The following RBPMS variants were observed in gnomAD, a reference collection of about 807,000 sequenced individuals.
The protein encoded by RBPMS is RNA-binding protein with multiple splicing.
Under a neutral mutation model 26.8 loss-of-function variants are expected in RBPMS, and 7 were observed. The observed-to-expected ratio is 0.26, with a 90% CI of 0.15 to 0.49. The LOEUF (loss-of-function observed/expected upper bound fraction) is 0.49. Among genes scored for constraint, RBPMS ranks in the 20% least tolerant of loss-of-function variants. The pLI, the probability that RBPMS is intolerant of heterozygous loss-of-function variation, is 0.98. For synonymous variants in RBPMS, 96 were observed against 93.3 expected (o/e 1.03, Z -0.17); for missense variants, 186 against 250.0 (o/e 0.74, Z 1.73).
chr8:30,519,469 T>C (rs1400171344), intron 5 of RBPMS, among the ~76,000 whole-genome samples: 19 of 1,488 alleles, frequency 0.013, 2 homozygotes, highest in Non-Finnish European at 0.034. Context: ...TTTTTTTTTT[T>C]TTTTTTTTTT....
chr8:30,498,170 G>T (rs932157708), intron 4 of RBPMS, among the ~76,000 whole-genome samples: 1 of 151,854 alleles, frequency 6.6e-6, no homozygotes, highest in Non-Finnish European at 1.5e-5. Context: ...CAGAATGGAA[G>T]TGTAGGAAGC....
chr8:30,545,336 C>T (rs1404772192), intron 6 of RBPMS: 24 of 1,149,164 alleles, frequency 2.1e-5, no homozygotes, highest in Non-Finnish European at 2.3e-5. Flanking sequence ...ACTTCCTCTC[C>T]CCTTGGAGAA....
chr8:30,549,239 T>G (rs1826097729), intron 6 of RBPMS, among the ~76,000 whole-genome samples: 1 of 152,134 alleles, frequency 6.6e-6, no homozygotes, highest in Non-Finnish European at 1.5e-5. Context: ...AGTCCGGAGA[T>G]TCCCATTGCT....
intron 6 of RBPMS, among the ~76,000 whole-genome samples, chr8:30,548,377 C>T (rs1387879263): frequency 6.6e-6 from 1 of 151,932 alleles, no homozygotes; most frequent in Non-Finnish European, 1.5e-5. Context: ...ACACCATACA[C>T]CCTGTACTTC....
At chr8:30,532,491 A>T (rs1229146693) in intron 5 of RBPMS, among the ~76,000 whole-genome samples, 1 of 152,134 alleles carries the variant, frequency 6.6e-6, no homozygotes, top group Non-Finnish European at 1.5e-5. Flanking sequence ...ACTAGGTGTT[A>T]GTTTTTATTT....
At chr8:30,536,754 C>T (rs1477975288) in intron 5 of RBPMS, among the ~76,000 whole-genome samples, 1 of 152,150 alleles carries the variant, frequency 6.6e-6, no homozygotes, top group African/African-American at 2.4e-5. Flanking sequence ...TCCTTTTCTA[C>T]TCTTTCTCCT....
intron 5 of RBPMS, among the ~76,000 whole-genome samples, chr8:30,513,262 C>CT (rs1204904847): frequency 6.6e-6 from 1 of 151,984 alleles, no homozygotes; most frequent in Middle Eastern, 3.2e-3. Context: ...GAATTTGTTT[C>CT]TTTATTAAAT....
chr8:30,431,258 A>G (rs1318616711), intron 1 of RBPMS, among the ~76,000 whole-genome samples: 2 of 152,134 alleles, frequency 1.3e-5, no homozygotes, highest in Non-Finnish European at 2.9e-5. Flanking sequence ...CTCAAATTTC[A>G]TAGGAAAGAT....
chr8:30,545,417 C>A, intron 6 of RBPMS: 1 of 1,031,740 alleles, frequency 9.7e-7, no homozygotes, highest in Non-Finnish European at 1.2e-6. Context: ...CTGGAGATCA[C>A]CACTCATTCT....
At chr8:30,532,624 A>G (rs1410340295) in intron 5 of RBPMS, among the ~76,000 whole-genome samples, 2 of 152,178 alleles carry the variant, frequency 1.3e-5, no homozygotes, top group Non-Finnish European at 2.9e-5. Context: ...GGTGAAGCTT[A>G]TTGAGTCACC....
At chr8:30,460,720 C>T (rs1194855117) in intron 1 of RBPMS, among the ~76,000 whole-genome samples, 2 of 152,020 alleles carry the variant, frequency 1.3e-5, no homozygotes, top group Non-Finnish European at 2.9e-5. Context: ...TTTAAAGGGT[C>T]GTGTTTATTT....
At chr8:30,462,784 G>A (rs889192827) in intron 1 of RBPMS, among the ~76,000 whole-genome samples, 56 of 152,106 alleles carry the variant, frequency 3.7e-4, no homozygotes, top group African/African-American at 1.3e-3. Context: ...AAGAGAGACA[G>A]AGATTTTCCT....
At chr8:30,428,618 T>G (rs186894535) in intron 1 of RBPMS, among the ~76,000 whole-genome samples, 129 of 152,240 alleles carry the variant, frequency 8.5e-4, no homozygotes, top group Non-Finnish European at 1.5e-3. Context: ...AAGTTTAATC[T>G]CAGCATAGAT....
At chr8:30,528,970 CT>C (rs1039874731) in intron 5 of RBPMS, among the ~76,000 whole-genome samples, 1 of 151,592 alleles carries the variant, frequency 6.6e-6, no homozygotes, top group Non-Finnish European at 1.5e-5. Flanking sequence ...AATCCCAGCG[CT>C]TTTGGGGGCC....
intron 4 of RBPMS, among the ~76,000 whole-genome samples, chr8:30,484,923 A>T (rs1818633713): frequency 6.6e-6 from 1 of 152,216 alleles, no homozygotes; most frequent in East Asian, 1.9e-4. Flanking sequence ...TTACAATTAG[A>T]TATAATTAAT....
chr8:30,422,209 G>A (rs1195402082), intron 1 of RBPMS, among the ~76,000 whole-genome samples: 1 of 151,376 alleles, frequency 6.6e-6, no homozygotes, highest in Non-Finnish European at 1.5e-5. Flanking sequence ...TCCACCTCCT[G>A]GGTTCAAGTG....
At chr8:30,503,949 T>C (rs1820828938) in intron 4 of RBPMS, among the ~76,000 whole-genome samples, 1 of 152,198 alleles carries the variant, frequency 6.6e-6, no homozygotes, top group Non-Finnish European at 1.5e-5. Context: ...ACTGCAGGAA[T>C]AGGGTCAGAG....
chr8:30,546,847 C>T lies in RBPMS; in HGVS notation c.528+2223C>T, dbSNP rs140602193. Among the ~76,000 whole-genome samples the T allele has an allele frequency of 2.0e-3, 306 of 152,310 alleles. 2 individuals are homozygous for T. Among genetic ancestry groups the T allele is most frequent in the Non-Finnish European group, 2.1e-3 (143 of 68,020 alleles). The stretch of plus-strand genomic sequence containing the variant: ...CTGACCCATTTTACAGATGAGGAAA[C>T]AGGCCTGAGAAGATGGAGGGAGTTA... On this transcript the variant is annotated intron_variant, in intron 6 of 8. Coordinates refer to ENST00000397323, the MANE Select transcript of RBPMS (RefSeq NM_001008710.3).
chr8:30,477,038 A>G (rs1442052316), intron 2 of RBPMS, among the ~76,000 whole-genome samples: 2 of 152,170 alleles, frequency 1.3e-5, no homozygotes, highest in Non-Finnish European at 2.9e-5. Flanking sequence ...AGTTTTGAAA[A>G]TGTGGTCAGG....
Sources: allele counts gnomAD v4.1 joint callset (sites outside exome capture counted in the v4.1 genomes callset), GRCh38; gene constraint gnomAD v4.1.1; transcripts MANE v1.5; gene names NCBI Gene and HGNC (gene_info 2026-07-23, HGNC 2026-07-21).